The following PEBP4 variants were observed in gnomAD, a reference collection of about 807,000 sequenced individuals.
The protein encoded by PEBP4 is phosphatidylethanolamine binding protein 4.
A neutral mutation model predicts 23.9 loss-of-function variants in PEBP4; 22 were observed. The ratio of observed to expected loss-of-function variants is 0.92; its 90% CI spans 0.66 to 1.31. The LOEUF is 1.31. Ranked by LOEUF, PEBP4 falls within the 40% of genes most tolerant of loss-of-function variation. The pLI is 0.00. For missense variants in PEBP4, 324 were observed against 281.7 expected, an observed-to-expected ratio of 1.15 and a Z score of -1.07; for synonymous variants, 112 against 99.3, an observed-to-expected ratio of 1.13 and a Z score of -0.76.
chr8:22,898,414 A>AC (rs1808638267), intron 3 of PEBP4, among the ~76,000 whole-genome samples: 1 of 145,574 alleles, frequency 6.9e-6, no homozygotes, highest in Non-Finnish European at 1.5e-5. Context: ...AAAAAAAAAA[A>AC]AAAAAAAAAA....
At chr8:22,888,768 C>A (rs1808435782) in intron 3 of PEBP4, among the ~76,000 whole-genome samples, 1 of 152,222 alleles carries the variant, frequency 6.6e-6, no homozygotes, top group Admixed American at 6.5e-5. Flanking sequence ...GCCCTTGTGC[C>A]CAGCTGACTG....
chr8:22,736,813 A>T (rs904179728), intron 4 of PEBP4, among the ~76,000 whole-genome samples: 1 of 152,176 alleles, frequency 6.6e-6, no homozygotes, highest in Non-Finnish European at 1.5e-5. Context: ...ATTCCTTATA[A>T]AAACATTTCC....
At chr8:22,835,005 G>A (rs1444015678) in intron 3 of PEBP4, among the ~76,000 whole-genome samples, 2 of 152,078 alleles carry the variant, frequency 1.3e-5, no homozygotes, top group Non-Finnish European at 2.9e-5. Flanking sequence ...TTCTATTAAC[G>A]CCTAGGTCAC....
At chr8:22,752,473 C>A (rs1261193659) in intron 4 of PEBP4, among the ~76,000 whole-genome samples, 1 of 152,234 alleles carries the variant, frequency 6.6e-6, no homozygotes, top group African/African-American at 2.4e-5. Flanking sequence ...CAAATCCACA[C>A]CCTTGGTTAA....
intron 3 of PEBP4, chr8:22,878,253 G>A (rs1027286362): frequency 1.3e-5 from 2 of 151,870 alleles, no homozygotes; most frequent in African/African-American, 4.8e-5. Flanking sequence ...AGGGAGGGGC[G>A]GAATCCCTGG....
chr8:22,887,315 AT>A (rs1402007448), intron 3 of PEBP4: 8 of 151,796 alleles, frequency 5.3e-5, no homozygotes, highest in African/African-American at 1.9e-4. Context: ...TGCCCAGTTA[AT>A]TTTTGTAATT....
At chr8:22,821,493 CA>C (rs1806855360) in intron 3 of PEBP4, among the ~76,000 whole-genome samples, 2 of 152,204 alleles carry the variant, frequency 1.3e-5, no homozygotes, top group Middle Eastern at 3.4e-3. Flanking sequence ...GTAGCAAAGT[CA>C]GGGGGACAGT....
intron 1 of PEBP4, among the ~76,000 whole-genome samples, chr8:22,937,460 C>CT (rs1363804218): frequency 6.6e-6 from 1 of 152,094 alleles, no homozygotes; most frequent in Admixed American, 6.5e-5. Flanking sequence ...TAAAGACATT[C>CT]AATGCTCATG....
intron 4 of PEBP4, among the ~76,000 whole-genome samples, chr8:22,783,330 C>T (rs114022449): frequency 2.0e-3 from 307 of 152,342 alleles, no homozygotes; most frequent in African/African-American, 6.6e-3. Context: ...GGATGGCAGA[C>T]GTCTATGGAT....
At chr8:22,772,774 C>T (rs886886224) in intron 4 of PEBP4, among the ~76,000 whole-genome samples, 2 of 152,170 alleles carry the variant, frequency 1.3e-5, no homozygotes, top group African/African-American at 4.8e-5. Context: ...CTATCTGAGG[C>T]CCACAGACCT....
intron 3 of PEBP4, among the ~76,000 whole-genome samples, chr8:22,856,543 C>G (rs1480181972): frequency 2.0e-5 from 3 of 152,096 alleles, no homozygotes; most frequent in Non-Finnish European, 1.5e-5. Flanking sequence ...ATGGCGAAAC[C>G]CCGTCTCTAC....
chr8:22,783,929 C>T (rs145150616), intron 4 of PEBP4, among the ~76,000 whole-genome samples: 147 of 152,252 alleles, frequency 9.7e-4, no homozygotes, highest in African/African-American at 3.2e-3. Flanking sequence ...CTGGTCTGGC[C>T]GACACATGCT....
intron 3 of PEBP4, 28 bp from the exon 4 acceptor site, chr8:22,817,763 T>C: frequency 6.3e-7 from 1 of 1,597,426 alleles, no homozygotes; most frequent in Non-Finnish European, 8.6e-7. Flanking sequence ...AAAAGTAATG[T>C]AGCGTCATGG....
rs527578761 is a variant in PEBP4 at position 22,823,697 on chromosome 8, A to G, written c.259-5962T>C. ...TCTTTTATATGGCAAAAAAAGTCCA[A>G]AATAAAATTCAAAGACAATAAACTG... is the stretch of plus-strand genomic sequence containing the variant. On this transcript the variant is annotated intron_variant, in intron 3 of 6. Transcript: ENST00000256404. Among the ~76,000 whole-genome samples, 3 of 152,180 alleles carry G rather than the reference A, an allele frequency of 2.0e-5. No homozygotes were observed. The South Asian group carries it at 6.2e-4, about 32-fold the overall frequency.
intron 3 of PEBP4, among the ~76,000 whole-genome samples, chr8:22,857,648 G>A (rs1366131478): frequency 6.6e-6 from 1 of 152,224 alleles, no homozygotes; most frequent in Admixed American, 6.5e-5. Context: ...GGGGAGCAAA[G>A]AGAGTTGATT....
intron 4 of PEBP4, among the ~76,000 whole-genome samples, chr8:22,770,978 A>C (rs907581181): frequency 2.6e-5 from 4 of 152,006 alleles, no homozygotes; most frequent in African/African-American, 9.7e-5. Flanking sequence ...CAACTCACTC[A>C]CTCGTGAGAA....
intron 4 of PEBP4, among the ~76,000 whole-genome samples, chr8:22,727,980 G>A (rs1012739503): frequency 6.6e-6 from 1 of 152,178 alleles, no homozygotes. Flanking sequence ...CTGGAGCCGG[G>A]CCCCTGGGTC....
intron 3 of PEBP4, among the ~76,000 whole-genome samples, chr8:22,911,183 T>G (rs888569140): frequency 1.3e-5 from 2 of 152,198 alleles, no homozygotes; most frequent in Non-Finnish European, 2.9e-5. Flanking sequence ...ACAGAGACAC[T>G]AATACCTGCT....
chr8:22,913,434 A>G (rs1440781538), intron 3 of PEBP4, among the ~76,000 whole-genome samples: 3 of 151,972 alleles, frequency 2.0e-5, no homozygotes, highest in Non-Finnish European at 1.5e-5. Context: ...GCTCTGCCCC[A>G]AAGTCCTTCC....
Sources: allele counts gnomAD v4.1 joint callset (sites outside exome capture counted in the v4.1 genomes callset), GRCh38; gene constraint gnomAD v4.1.1; transcripts MANE v1.5; gene names NCBI Gene and HGNC (gene_info 2026-07-23, HGNC 2026-07-21).